The following AQR variants were observed in gnomAD, a reference collection of about 807,000 sequenced individuals.
AQR encodes aquarius intron-binding spliceosomal factor.
AQR carries 61 observed loss-of-function variants against 180.5 expected under a neutral mutation model. The ratio of observed to expected loss-of-function variants is 0.34; its 90% CI spans 0.28 to 0.42. The LOEUF (loss-of-function observed/expected upper bound fraction) is 0.42. Ranked by LOEUF, AQR falls within the 10% of genes least tolerant of loss-of-function variation. The probability of loss-of-function intolerance (pLI) is 1.00; values close to 1 mark genes in which losing one functional copy is unlikely to be tolerated. For missense variants in AQR, 1,281 were observed against 1,798.3 expected, an observed-to-expected ratio of 0.71 and a Z score of 5.20; for synonymous variants, 551 against 588.8, an observed-to-expected ratio of 0.94 and a Z score of 0.93.
At chr15:34,964,109 T>C (rs1362854544) in intron 2 of AQR, 125 bp downstream of exon 2, 1 of 704,466 alleles carries the variant, frequency 1.4e-6, no homozygotes, top group South Asian at 1.9e-5. Context: ...AAGCAAAAAA[T>C]TGTATTTTTT....
At chr15:34,894,804 A>C (rs1040553764) in intron 22 of AQR, among the ~76,000 whole-genome samples, 12 of 152,122 alleles carry the variant, frequency 7.9e-5, no homozygotes, top group Non-Finnish European at 1.5e-4. Flanking sequence ...TAGGCTATGA[A>C]AAGTTAAATA....
chr15:34,921,306 C>T (rs566625125), intron 13 of AQR, among the ~76,000 whole-genome samples: 20 of 151,536 alleles, frequency 1.3e-4, no homozygotes, highest in Admixed American at 2.6e-4. Flanking sequence ...TGGTGGTGAG[C>T]GCCTGTAGTC....
intron 13 of AQR, among the ~76,000 whole-genome samples, chr15:34,924,645 G>C (rs1361346102): frequency 6.6e-6 from 1 of 151,762 alleles, no homozygotes; most frequent in Non-Finnish European, 1.5e-5. Context: ...TCGCCAGGCT[G>C]GTCTCGAACT....
At chr15:34,904,291 C>T (rs12898639) in intron 19 of AQR, 45 bp downstream of exon 19, 969,570 of 1,374,278 alleles carry the variant, frequency 0.71, 347,426 homozygotes, top group South Asian at 0.74. Flanking sequence ...ATAAAAGTTA[C>T]TTAAATTATG....
At chr15:34,943,164 G>C (rs762437977) in intron 6 of AQR, 5 of 1,610,956 alleles carry the variant, frequency 3.1e-6, no homozygotes, top group Admixed American at 1.7e-5. Context: ...GTACAAGAAG[G>C]GCAAGGATTC....
chr15:34,937,940 T>A (rs1031417654), intron 9 of AQR, among the ~76,000 whole-genome samples: 1 of 149,876 alleles, frequency 6.7e-6, no homozygotes, highest in Admixed American at 6.7e-5. Context: ...ATAATTTTAA[T>A]ATAGTATATA....
At chr15:34,909,805 C>T (rs1893472655) in intron 17 of AQR, among the ~76,000 whole-genome samples, 1 of 152,018 alleles carries the variant, frequency 6.6e-6, no homozygotes, top group Non-Finnish European at 1.5e-5. Context: ...TATATTGATG[C>T]CAGAAATCCA....
chr15:34,969,186 C>T (rs914422766), intron 1 of AQR, among the ~76,000 whole-genome samples: 9 of 152,174 alleles, frequency 5.9e-5, no homozygotes, highest in Non-Finnish European at 2.9e-5. Flanking sequence ...CACTCTGCTG[C>T]GAAGCCTACT....
rs1007068516 is a variant in AQR at position 34,963,155 on chromosome 15, T to C, written c.132+1079A>G. On this transcript the variant is annotated intron_variant, in intron 2 of 34. Coordinates refer to ENST00000156471, the MANE Select transcript of AQR (RefSeq NM_014691.3). ...CCACTGCACAAGCCAATTTTTTTAA[T>C]TTTTTTGTAAAGGCGAGATCTCACT... 4.6e-5 allele frequency among the ~76,000 whole-genome samples: 7 copies of C among 151,568 alleles called. No homozygotes were observed. The East Asian group carries it at 1.4e-3, about 29-fold the overall frequency.
intron 4 of AQR, among the ~76,000 whole-genome samples, chr15:34,952,404 A>T (rs576557958): frequency 6.6e-6 from 1 of 152,354 alleles, no homozygotes; most frequent in South Asian, 2.1e-4. Flanking sequence ...ATCAACAACA[A>T]TCCTGGCTCT....
At chr15:34,895,576 T>C (rs1235013764) in intron 22 of AQR, among the ~76,000 whole-genome samples, 1 of 152,000 alleles carries the variant, frequency 6.6e-6, no homozygotes, top group Non-Finnish European at 1.5e-5. Flanking sequence ...CAAAGTAGAC[T>C]TCAGAGCAAA....
rs1179385272 is a variant in AQR at position 34,853,079 on chromosome 15, A to G, written c.*3713T>C. On this transcript the variant is annotated 3_prime_UTR_variant, in exon 35 of 35. Transcript: ENST00000156471. Reference sequence around the variant, plus strand: ...GAGTATCGGTGGATGAAGAAAAAATAGTCTCACATGTCTTCATTTCCATCC... The same window carrying G: ...GAGTATCGGTGGATGAAGAAAAAATGGTCTCACATGTCTTCATTTCCATCC... 1 of 152,206 alleles carries G rather than the reference A, an allele frequency of 6.6e-6. No homozygotes were observed. Among genetic ancestry groups the G allele is most frequent in the African/African-American group, 2.4e-5 (1 of 41,442 alleles). The allele number at this position is 152,206 out of a possible 1,614,324, so 9.4% of individuals were successfully genotyped here.
intron 2 of AQR, among the ~76,000 whole-genome samples, chr15:34,962,104 C>CGTTG (rs1364506840): frequency 6.6e-6 from 1 of 150,422 alleles, no homozygotes; most frequent in Admixed American, 6.7e-5. Flanking sequence ...CTCATTGCAA[C>CGTTG]GTCTGCCTTC....
chr15:34,893,091 A>G (rs943529951), intron 23 of AQR, among the ~76,000 whole-genome samples: 4 of 152,216 alleles, frequency 2.6e-5, no homozygotes, highest in African/African-American at 7.2e-5. Flanking sequence ...TATGTTAGGA[A>G]CAAGTGCTCA....
At chr15:34,921,072 A>G (rs945663905) in intron 13 of AQR, among the ~76,000 whole-genome samples, 6 of 152,188 alleles carry the variant, frequency 3.9e-5, no homozygotes, top group African/African-American at 1.4e-4. Flanking sequence ...GGACTCGAGT[A>G]CCTGTTTTAT....
At chr15:34,887,743 T>TTA (rs1393729638) in intron 24 of AQR, among the ~76,000 whole-genome samples, 12 of 152,344 alleles carry the variant, frequency 7.9e-5, no homozygotes, top group Middle Eastern at 3.4e-3. Flanking sequence ...AGAAGTCATG[T>TTA]TCCTAGCTGT....
chr15:34,883,825 G>A (rs1252094872), intron 26 of AQR, among the ~76,000 whole-genome samples: 1 of 152,112 alleles, frequency 6.6e-6, no homozygotes, highest in Non-Finnish European at 1.5e-5. Context: ...AGGGGGCACT[G>A]GGTTCCAGAC....
chr15:34,899,011 CA>C (rs571811936), intron 20 of AQR, among the ~76,000 whole-genome samples: 50 of 126,082 alleles, frequency 4.0e-4, no homozygotes, highest in South Asian at 7.7e-4. Flanking sequence ...ACCAAAAATA[CA>C]AAAAAAAAAT....
rs569410579 is a variant in AQR, at chr15:34,963,695, G to A, written c.132+539C>T. Among the ~76,000 whole-genome samples the A allele has an allele frequency of 1.4e-4, 20 of 144,742 alleles. 1 individual carries two copies. Among genetic ancestry groups the A allele is most frequent in the African/African-American group, 4.8e-4 (17 of 35,392 alleles). The allele number at this position is 144,742 out of a possible 152,430, so 95.0% of individuals were successfully genotyped here. A position where few individuals can be genotyped will look rare whatever the true frequency, so the allele number is the denominator to read the frequency against. On this transcript the variant is annotated intron_variant, in intron 2 of 34. Transcript: ENST00000156471. ...TTTCTTTTTTTTGAGATGGAGTCTC[G>A]CTCTGTCATCCAGGCTGGAGTGCAG...
Sources: allele counts gnomAD v4.1 joint callset (sites outside exome capture counted in the v4.1 genomes callset), GRCh38; gene constraint gnomAD v4.1.1; transcripts MANE v1.5; gene names NCBI Gene and HGNC (gene_info 2026-07-23, HGNC 2026-07-21).